Variants in RSBN1 observed in about 807,000 individuals in gnomAD.
RSBN1 encodes the protein round spermatid basic protein 1, also known as lysine-specific demethylase 9.
RSBN1 carries 23 observed loss-of-function variants against 74.8 expected under a neutral mutation model. That is an observed-to-expected ratio of 0.31 (90% CI 0.22 to 0.44). The LOEUF (loss-of-function observed/expected upper bound fraction) is 0.44, where lower values mean the gene tolerates loss of function less well. RSBN1 is among the 20% of genes least tolerant of loss of function. RSBN1 has a pLI of 1.00. For synonymous variants in RSBN1, 407 were observed against 379.6 expected, an observed-to-expected ratio of 1.07 and a Z score of -0.84; for missense variants, 808 against 1,020.9, an observed-to-expected ratio of 0.79 and a Z score of 2.84.
Position 113,811,518 on chromosome 1 carries a change from C to T in RSBN1, c.703+192G>A, listed in dbSNP as rs1232057177. Among the ~76,000 whole-genome samples, 3 of 152,190 alleles carry T rather than the reference C, an allele frequency of 2.0e-5. No individual in the cohort carries two copies. In the East Asian group the frequency reaches 5.8e-4, roughly 29 times the overall value. On this transcript the variant is annotated intron_variant, in intron 1 of 6. Coordinates refer to ENST00000261441, the MANE Select transcript of RSBN1 (RefSeq NM_018364.5). ...GGATTAGCAACTGACAGCTCGGCCT[C>T]GGAGCGAGAAGCCTCAAGTAGTTAG...
chr1:113,778,302 TTTC>T, intron 2 of RSBN1, among the ~76,000 whole-genome samples: 1 of 146,002 alleles, frequency 6.8e-6, no homozygotes, highest in South Asian at 2.2e-4. Flanking sequence ...TTTTTTTTTT[TTTC>T]CTTTTTTTTG....
At chr1:113,802,988 C>CTG (rs1173010621) in intron 1 of RSBN1, among the ~76,000 whole-genome samples, 1 of 152,180 alleles carries the variant, frequency 6.6e-6, no homozygotes, top group Non-Finnish European at 1.5e-5. Context: ...ATAAAATGCT[C>CTG]TGTGCTCTGC....
intron 2 of RSBN1, among the ~76,000 whole-genome samples, chr1:113,794,299 C>T (rs2101815742): frequency 6.6e-6 from 1 of 152,302 alleles, no homozygotes; most frequent in South Asian, 2.1e-4. Context: ...TATCCTGCAC[C>T]ACCAATTCCA....
chr1:113,790,700 T>A (rs891927203), intron 2 of RSBN1, among the ~76,000 whole-genome samples: 1 of 152,174 alleles, frequency 6.6e-6, no homozygotes, highest in Non-Finnish European at 1.5e-5. Context: ...CAGATAAGAT[T>A]ATCTCTTAGT....
At position 113,777,311 on chromosome 1, in the gene RSBN1, C is replaced by A. The variant is rs765736472; in HGVS notation, c.1557G>T (p.Gln519His). 8.1e-6 allele frequency: 13 copies of A among 1,612,308 alleles called. No individual in the cohort carries two copies. In the Admixed American group the frequency reaches 2.2e-4, roughly 27 times the overall value. ...GCCCATCATCACTCTGGGACCTACACTGGAGTCGGAGGCTAGAAAGTGTAC... is the reference window on the plus strand; with the variant it reads ...GCCCATCATCACTCTGGGACCTACAATGGAGTCGGAGGCTAGAAAGTGTAC... ...PWGTLSSLRL[Q>H]CRSQSDDGPI... is the part of the protein sequence containing the mutation. Residue 519 changes from glutamine to histidine, a missense_variant, in exon 4 of 7, where the codon CAG (glutamine) becomes CAT (histidine). Gln to His is a conservative substitution (Grantham distance 24). This residue lies in a region of RSBN1 where 112 missense variants were observed against 257.3 expected (regional missense o/e 0.44). Transcript: ENST00000261441.
At chr1:113,784,991 G>A (rs1660209906) in intron 2 of RSBN1, among the ~76,000 whole-genome samples, 1 of 152,008 alleles carries the variant, frequency 6.6e-6, no homozygotes, top group South Asian at 2.1e-4. Context: ...TTAGCTTACT[G>A]TAATTTTTAT....
chr1:113,772,978 T>G (rs972020977), intron 4 of RSBN1, among the ~76,000 whole-genome samples: 2 of 152,102 alleles, frequency 1.3e-5, no homozygotes, highest in East Asian at 3.9e-4. Flanking sequence ...CTTCTAAGCC[T>G]ATTGCTAAAG....
chr1:113,807,175 A>G (rs1057367461), intron 1 of RSBN1, among the ~76,000 whole-genome samples: 1 of 151,898 alleles, frequency 6.6e-6, no homozygotes, highest in African/African-American at 2.4e-5. Flanking sequence ...TTAGCCGGGC[A>G]TGGTGGCAGA....
At position 113,811,892 on chromosome 1, in the gene RSBN1, GAGA is replaced by G. The variant is rs1660862215; in HGVS notation, c.518_520del (p.Phe173del). Reference sequence around the variant, plus strand: ...CCCGGCCGCGCTCACCGTCAGAGGCGAGAAGGTGAAGAGGGCCGAGGTGCTTGG... The same window carrying G: ...CCCGGCCGCGCTCACCGTCAGAGGCGAGGTGAAGAGGGCCGAGGTGCTTGG... On this transcript the variant is annotated inframe_deletion, in exon 1 of 7. Coordinates refer to ENST00000261441, the MANE Select transcript of RSBN1 (RefSeq NM_018364.5). 1.2e-6 allele frequency: 2 copies of G among 1,612,474 alleles called. No individual in the cohort carries two copies. The highest frequency in any genetic ancestry group is 1.7e-6 in the Non-Finnish European group (2 of 1,179,518).
At position 113,766,403 on chromosome 1, in the gene RSBN1, G is replaced by T; in HGVS notation, c.1986C>A (p.Gly662=). ...EAKLNQMRRE[G]IRYARIQLCD... is the part of the protein sequence containing the mutation. The stretch of plus-strand genomic sequence containing the variant: ...AAAGCTGAATTCTAGCATAACGAAT[G>T]CCTTCCCGCCTCATTTGGTTTAGTT... Residue 662 remains glycine, a synonymous_variant, in exon 7 of 7, where the codon GGC becomes GGA. Coordinates refer to ENST00000261441, the MANE Select transcript of RSBN1 (RefSeq NM_018364.5). The T allele has an allele frequency of 6.2e-7, 1 of 1,613,908 alleles. No homozygotes were observed. The highest frequency in any genetic ancestry group is 8.5e-7 in the Non-Finnish European group (1 of 1,179,900).
Position 113,765,932 on chromosome 1 carries a change from C to T in RSBN1, c.*48G>A. 7.1e-7 allele frequency: 1 copy of T among 1,416,984 alleles called. No homozygotes were observed. The highest frequency in any genetic ancestry group is 2.3e-5 in the East Asian group (1 of 43,016). 87.8% of individuals were successfully genotyped at this position (1,416,984 alleles called of 1,614,324 possible). On this transcript the variant is annotated 3_prime_UTR_variant, in exon 7 of 7. Transcript: ENST00000261441. Reference sequence around the variant, plus strand: ...TAAGCCAGTTATAAAACTATAACTTCACATCAAAATTTAAAAAAGTTAAAA... The same window carrying T: ...TAAGCCAGTTATAAAACTATAACTTTACATCAAAATTTAAAAAAGTTAAAA...
In RSBN1 at chr1:113,765,337, T is replaced by A. The variant is rs1659758881; in HGVS notation, c.*643A>T. On this transcript the variant is annotated 3_prime_UTR_variant, in exon 7 of 7. Transcript: ENST00000261441. ...ACTATTCATCTTTAGATTTTTTTTT[T>A]AATTGAAATATCCACTGGGCTTTAA... The A allele has an allele frequency of 6.6e-6, 1 of 152,314 alleles. No individual in the cohort carries two copies. The highest frequency in any genetic ancestry group is 2.4e-5 in the African/African-American group (1 of 41,436). The allele number at this position is 152,314 out of a possible 1,614,324, so 9.4% of individuals were successfully genotyped here.
In RSBN1 at chr1:113,812,225, G is replaced by T. The variant is rs371378245; in HGVS notation, c.188C>A (p.Ala63Glu). The part of the protein sequence containing the change: ...VGAVRVVRAV[A>E]AQEEPDKEGK... ...CTCTTTGTCCGGCTCCTCCTGCGCC[G>T]CCACCGCCCGTACTACGCGCACCGC... Residue 63 changes from alanine (A) to glutamate (E), a missense_variant, in exon 1 of 7, where the codon GCG becomes GAG. Physicochemically the swap from Ala to Glu is moderately radical, Grantham distance 107. Coordinates refer to ENST00000261441, the MANE Select transcript of RSBN1 (RefSeq NM_018364.5). 8.1e-6 allele frequency: 13 copies of T among 1,606,500 alleles called. No homozygotes were observed. The East Asian group carries it at 2.7e-4, about 33-fold the overall frequency.
At chr1:113,770,299 G>C (rs1003681315) in intron 4 of RSBN1, among the ~76,000 whole-genome samples, 4 of 152,204 alleles carry the variant, frequency 2.6e-5, no homozygotes, top group African/African-American at 9.7e-5. Flanking sequence ...TATAAAGGGA[G>C]CTAGTGTAAG....
chr1:113,791,206 T>C (rs1235430114), intron 2 of RSBN1, among the ~76,000 whole-genome samples: 1 of 152,126 alleles, frequency 6.6e-6, no homozygotes, highest in Non-Finnish European at 1.5e-5. Flanking sequence ...GGGAGAAGGA[T>C]GTGGCATCAA....
chr1:113,807,389 A>G (rs1660726947), intron 1 of RSBN1, among the ~76,000 whole-genome samples: 1 of 152,062 alleles, frequency 6.6e-6, no homozygotes, highest in South Asian at 2.1e-4. Flanking sequence ...ACAGATTGGG[A>G]GAAAATATGT....
At chr1:113,777,845 T>C in intron 2 of RSBN1, 37 bp from the exon 3 acceptor site, 1 of 1,512,442 alleles carries the variant, frequency 6.6e-7, no homozygotes, top group South Asian at 1.4e-5. Context: ...TGGACTGAGG[T>C]ACAACTATAA....
At chr1:113,770,933 A>G (rs1659874712) in intron 4 of RSBN1, among the ~76,000 whole-genome samples, 2 of 152,204 alleles carry the variant, frequency 1.3e-5, no homozygotes, top group Admixed American at 1.3e-4. Context: ...TCAGAAAGAA[A>G]TAAGAGAAAA....
At chr1:113,772,874 A>G (rs1027336939) in intron 4 of RSBN1, among the ~76,000 whole-genome samples, 8 of 152,222 alleles carry the variant, frequency 5.3e-5, no homozygotes, top group African/African-American at 9.6e-5. Flanking sequence ...ACTGAAGCCA[A>G]TTCCAGGTGG....
Sources: gnomAD v4.1 joint callset for allele counts (sites outside exome capture counted in the v4.1 genomes callset) on GRCh38, gnomAD v4.1.1 for gene constraint, gnomAD v4.1.1 regional missense constraint, MANE v1.5 for transcripts, NCBI Gene and HGNC (gene_info 2026-07-23, HGNC 2026-07-21) for gene names.